PRKG2: variants seen among roughly 807,000 people sequenced by gnomAD.
PRKG2 encodes protein kinase cGMP-dependent 2.
In PRKG2, 33 loss-of-function variants were observed where a neutral mutation model predicts 97.2. The observed-to-expected ratio is 0.34, with a 90% CI of 0.26 to 0.45. PRKG2 has a LOEUF of 0.45. PRKG2 is among the 20% of genes least tolerant of loss of function. The pLI is 1.00. For synonymous variants in PRKG2, 330 were observed against 321.8 expected, an observed-to-expected ratio of 1.03 and a Z score of -0.27; for missense variants, 638 against 900.0, an observed-to-expected ratio of 0.71 and a Z score of 3.73.
intron 17 of PRKG2, among the ~76,000 whole-genome samples, chr4:81,093,560 G>A (rs1741815929): frequency 6.6e-6 from 1 of 152,100 alleles, no homozygotes; most frequent in Non-Finnish European, 1.5e-5. Flanking sequence ...CCTTTTCTCT[G>A]TGCCCCAGCA....
At chr4:81,204,385 GAT>G (rs1008851623) in intron 2 of PRKG2, among the ~76,000 whole-genome samples, 200 bp downstream of exon 2, 25 of 152,108 alleles carry the variant, frequency 1.6e-4, no homozygotes, top group African/African-American at 4.6e-4. Context: ...CCTCATGAGA[GAT>G]ATATATAGTA....
intron 14 of PRKG2, among the ~76,000 whole-genome samples, chr4:81,124,373 A>G (rs1384821403): frequency 6.6e-6 from 1 of 152,230 alleles, no homozygotes; most frequent in African/African-American, 2.4e-5. Flanking sequence ...TCACTACTAC[A>G]ATAGCAAACA....
chr4:81,191,415 A>G (rs1041528451), intron 2 of PRKG2, among the ~76,000 whole-genome samples: 1 of 151,950 alleles, frequency 6.6e-6, no homozygotes, highest in Non-Finnish European at 1.5e-5. Flanking sequence ...GGGGAACATC[A>G]TACACTGGGG....
chr4:81,202,899 A>G (rs942036936), intron 2 of PRKG2, among the ~76,000 whole-genome samples: 2 of 152,106 alleles, frequency 1.3e-5, no homozygotes, highest in African/African-American at 4.8e-5. Context: ...AAGAGAATAC[A>G]TCTGGTGTCA....
At chr4:81,189,382 A>AC (rs1752258793) in intron 2 of PRKG2, among the ~76,000 whole-genome samples, 1 of 129,574 alleles carries the variant, frequency 7.7e-6, no homozygotes, top group African/African-American at 4.2e-5. Flanking sequence ...CAACACACAC[A>AC]AAAAAAAAGA....
chr4:81,143,080 C>A, intron 10 of PRKG2, 133 bp from the exon 11 acceptor site: 1 of 1,195,756 alleles, frequency 8.4e-7, no homozygotes, highest in South Asian at 2.3e-5. Context: ...AAAGGCTATC[C>A]CAACTTTTAT....
chr4:81,184,923 G>A (rs1164361675), intron 2 of PRKG2, among the ~76,000 whole-genome samples: 1 of 152,088 alleles, frequency 6.6e-6, no homozygotes, highest in Non-Finnish European at 1.5e-5. Flanking sequence ...GAAATAAAGA[G>A]TGAATACAAA....
intron 5 of PRKG2, among the ~76,000 whole-genome samples, chr4:81,167,541 C>T (rs1177747980): frequency 6.6e-6 from 1 of 152,026 alleles, no homozygotes; most frequent in Non-Finnish European, 1.5e-5. Context: ...CACAGTGAAT[C>T]GCATTTGGAA....
chr4:81,186,136 C>T (rs1381951521), intron 2 of PRKG2, among the ~76,000 whole-genome samples: 2 of 152,178 alleles, frequency 1.3e-5, no homozygotes, highest in African/African-American at 2.4e-5. Flanking sequence ...CAGATCCCTA[C>T]AGAACTCTCC....
At chr4:81,140,801 T>C (rs1187694350) in intron 11 of PRKG2, 132 bp from the exon 12 acceptor site, 1 of 666,904 alleles carries the variant, frequency 1.5e-6, no homozygotes, top group African/African-American at 1.8e-5. Context: ...TTGAGAACTT[T>C]CATTCAAGTG....
chr4:81,175,443 G>A (rs1390306625), intron 2 of PRKG2: 1 of 152,056 alleles, frequency 6.6e-6, no homozygotes, highest in Non-Finnish European at 1.5e-5. Flanking sequence ...TCCTATTTTA[G>A]GAAGAAGTAG....
chr4:81,191,955 C>A (rs1752559822), intron 2 of PRKG2, among the ~76,000 whole-genome samples: 1 of 151,984 alleles, frequency 6.6e-6, no homozygotes, highest in Non-Finnish European at 1.5e-5. Context: ...AATGTACTAC[C>A]CAGTAACTTC....
In PRKG2 at chr4:81,144,139, G is replaced by A; in HGVS notation, c.1253+93C>T. The A allele has an allele frequency of 3.4e-6, 4 of 1,181,816 alleles. No homozygotes were observed. The South Asian group carries it at 4.1e-5, about 12-fold the overall frequency. The allele number at this position is 1,181,816 out of a possible 1,614,324, so 73.2% of individuals were successfully genotyped here. On this transcript the variant is annotated intron_variant, in intron 10 of 18. Coordinates refer to ENST00000264399, the MANE Select transcript of PRKG2 (RefSeq NM_006259.3). ...ATTTTCTAGTGAAGGCACATTAAAA[G>A]TTACCACACAGCAAGTCACACCCTC...
intron 2 of PRKG2, among the ~76,000 whole-genome samples, chr4:81,185,647 G>T (rs987094541): frequency 1.3e-5 from 2 of 149,220 alleles, no homozygotes; most frequent in African/African-American, 5.1e-5. Context: ...ATGTAAATGG[G>T]CTAAATGCCC....
intron 2 of PRKG2, among the ~76,000 whole-genome samples, chr4:81,191,101 A>G (rs1752445305): frequency 6.7e-6 from 1 of 148,444 alleles, no homozygotes. Context: ...CCACAGGATT[A>G]TAAATCATTC....
Position 81,119,022 on chromosome 4 carries a change from C to T in PRKG2, c.1777-8411G>A, listed in dbSNP as rs568327904. Among the ~76,000 whole-genome samples the T allele has an allele frequency of 2.6e-5, 4 of 152,280 alleles. No homozygotes were observed. In the East Asian group the frequency reaches 7.7e-4, roughly 29 times the overall value. On this transcript the variant is annotated intron_variant, in intron 14 of 18. Transcript: ENST00000264399. ...ATGTTGGTCAGGCTGCTCTCAAACT[C>T]CTGAGCTCAAGTGATCCACCTAACT... is the stretch of plus-strand genomic sequence containing the variant.
chr4:81,198,134 C>T (rs1221157725), intron 2 of PRKG2, among the ~76,000 whole-genome samples: 1 of 152,196 alleles, frequency 6.6e-6, no homozygotes, highest in African/African-American at 2.4e-5. Context: ...TCAGTGTTTT[C>T]CAAGGCTTCA....
At chr4:81,195,637 T>C (rs986668170) in intron 2 of PRKG2, among the ~76,000 whole-genome samples, 2 of 152,224 alleles carry the variant, frequency 1.3e-5, no homozygotes, top group African/African-American at 4.8e-5. Context: ...AATGGAATCC[T>C]GCATTTGTCT....
intron 14 of PRKG2, among the ~76,000 whole-genome samples, chr4:81,125,134 T>C (rs1390556382): frequency 2.0e-5 from 3 of 152,208 alleles, no homozygotes; most frequent in Non-Finnish European, 1.5e-5. Context: ...AATCATATGC[T>C]ATTTAACCTT....
Sources: gnomAD v4.1 joint callset for allele counts (sites outside exome capture counted in the v4.1 genomes callset) on GRCh38, gnomAD v4.1.1 for gene constraint, MANE v1.5 for transcripts, NCBI Gene and HGNC (gene_info 2026-07-23, HGNC 2026-07-21) for gene names.